CACNA1B: variants seen among roughly 807,000 people sequenced by gnomAD.
CACNA1B encodes calcium voltage-gated channel subunit alpha1 B, also known as voltage-dependent N-type calcium channel subunit alpha-1B.
CACNA1B carries 70 observed loss-of-function variants against 247.2 expected under a neutral mutation model. That is an observed-to-expected ratio of 0.28 (90% CI 0.23 to 0.35). The LOEUF (loss-of-function observed/expected upper bound fraction) is 0.35. Ranked by LOEUF, CACNA1B falls within the 10% of genes least tolerant of loss-of-function variation. The pLI is 1.00. For missense variants in CACNA1B, 2,367 were observed against 3,197.4 expected (o/e 0.74, Z 6.26); for synonymous variants, 1,231 against 1,294.4 (o/e 0.95, Z 1.05).
chr9:137,880,512 G>A lies in CACNA1B; in HGVS notation c.390+1353G>A, dbSNP rs921624360. Among the ~76,000 whole-genome samples, 3 of 152,214 alleles carry A rather than the reference G, an allele frequency of 2.0e-5. No homozygotes were observed. The highest frequency in any genetic ancestry group is 4.4e-5 in the Non-Finnish European group (3 of 68,028). On this transcript the variant is annotated intron_variant, in intron 2 of 46. Coordinates refer to ENST00000371372, the MANE Select transcript of CACNA1B (RefSeq NM_000718.4). The surrounding 1 kb of genome is among the most constrained non-coding windows in gnomAD (Gnocchi z 4.8). Reference sequence around the variant, plus strand: ...AGAGGGACGCAGGCCCAGGAGCCAGGCCGGGGCGGGGGCAGGGAGGATCAA... The same window carrying A: ...AGAGGGACGCAGGCCCAGGAGCCAGACCGGGGCGGGGGCAGGGAGGATCAA...
intron 31 of CACNA1B, among the ~76,000 whole-genome samples, chr9:138,061,780 G>A (rs1376813047): frequency 6.6e-6 from 1 of 152,220 alleles, no homozygotes; most frequent in African/African-American, 2.4e-5. Flanking sequence ...TCCAGGAGAG[G>A]GTGTTCTGAT....
In CACNA1B at chr9:138,073,718, G is replaced by A. The variant is rs930755340; in HGVS notation, c.4791+114G>A. The A allele has an allele frequency of 5.6e-6, 4 of 709,272 alleles. No individual in the cohort carries two copies. The East Asian group carries it at 7.5e-5, about 13-fold the overall frequency. The allele number at this position is 709,272 out of a possible 1,614,324, so 43.9% of individuals were successfully genotyped here. The stretch of plus-strand genomic sequence containing the variant: ...GGCTGGGAGAGGGTATGGCATGCAG[G>A]TTTCGTGGTTGTATGCATTGTCCTG... On this transcript the variant is annotated intron_variant, in intron 33 of 46. Transcript: ENST00000371372. The surrounding 1 kb of genome is among the most constrained non-coding windows in gnomAD (Gnocchi z 6.4).
At chr9:137,883,488 A>G (rs373304686) in intron 3 of CACNA1B, among the ~76,000 whole-genome samples, 2,480 of 151,838 alleles carry the variant, frequency 0.016, 80 homozygotes, top group African/African-American at 0.057. Context: ...TAACCAGCAC[A>G]TCTAGAAGAT....
chr9:138,111,956 T>G lies in CACNA1B; in HGVS notation c.5429-442T>G, dbSNP rs966278507. On this transcript the variant is annotated intron_variant, in intron 39 of 46. Coordinates refer to ENST00000371372, the MANE Select transcript of CACNA1B (RefSeq NM_000718.4). ...CGGTACACTTTTTTTTTTTTTTTAC[T>G]TATTACTGCTTTATTGGTAGACTAA... Among the ~76,000 whole-genome samples the G allele has an allele frequency of 2.6e-4, 40 of 151,752 alleles. 1 individual carries two copies. Among genetic ancestry groups the G allele is most frequent in the African/African-American group, 8.7e-4 (36 of 41,242 alleles).
Position 138,025,161 on chromosome 9 carries a change from C to G in CACNA1B, c.3275C>G (p.Thr1092Arg). The G allele has an allele frequency of 6.2e-7, 1 of 1,607,532 alleles. No homozygotes were observed. Among genetic ancestry groups the G allele is most frequent in the Non-Finnish European group, 8.5e-7 (1 of 1,176,288 alleles). ...VMLTGPLGEA[T>R]VVPSGNVDLE... ...CTGACGGGCCCTCTTGGGGAAGCCA[C>G]GGTCGTTCCCAGTGAGTATCTCCCT... The change falls in exon 20 of 47, where the codon ACG becomes AGG. Residue 1092 changes from threonine to arginine, a missense_variant. Coordinates refer to ENST00000371372, the MANE Select transcript of CACNA1B (RefSeq NM_000718.4).
intron 20 of CACNA1B, among the ~76,000 whole-genome samples, chr9:138,027,112 C>A (rs868492279): frequency 6.6e-6 from 1 of 152,104 alleles, no homozygotes; most frequent in Non-Finnish European, 1.5e-5. Flanking sequence ...TTTATTCTGG[C>A]TGTTTGTTTT....
chr9:137,912,957 G>T (rs1049136542), intron 3 of CACNA1B, among the ~76,000 whole-genome samples: 2 of 152,114 alleles, frequency 1.3e-5, no homozygotes, highest in African/African-American at 4.8e-5. Context: ...AGCGCTTCTG[G>T]ATTCAGTTCC....
At chr9:137,927,892 C>T (rs746692802) in intron 6 of CACNA1B, among the ~76,000 whole-genome samples, 2 of 152,130 alleles carry the variant, frequency 1.3e-5, no homozygotes, top group Non-Finnish European at 2.9e-5. Flanking sequence ...CTGATATGAT[C>T]ATGTGAGTTT....
rs115551395 is a variant in CACNA1B, at chr9:137,973,373, G to A, written c.1543+1781G>A. On this transcript the variant is annotated intron_variant, in intron 11 of 46. Coordinates refer to ENST00000371372, the MANE Select transcript of CACNA1B (RefSeq NM_000718.4). The surrounding 1 kb of genome is among the most constrained non-coding windows in gnomAD (Gnocchi z 4.1). ...TTGCCAGAGGCGAGGGGGTGTGGCC[G>A]CCCAGCCTAGAGCAGCTTTGCAGGG... 7.7e-3 allele frequency among the ~76,000 whole-genome samples: 1,169 copies of A among 152,282 alleles called. 18 individuals are homozygous for A. The highest frequency in any genetic ancestry group is 0.026 in the African/African-American group (1,100 of 41,562).
At position 138,059,091 on chromosome 9, in the gene CACNA1B, C is replaced by T. The variant is rs1247815154; in HGVS notation, c.4486C>T (p.Pro1496Ser). The change falls in exon 30 of 47, where the codon CCC (proline) becomes TCC (serine). Residue 1496 changes from proline to serine, a missense_variant. Physicochemically the swap from Pro to Ser is moderately conservative, Grantham distance 74. Coordinates refer to ENST00000371372, the MANE Select transcript of CACNA1B (RefSeq NM_000718.4). This position sits in a 1 kb window ranked among gnomAD's most constrained non-coding sequence, Gnocchi z 4.2. ...VVLMMKFYDAPYEYELMLKCL... is the reference protein window; with the variant it reads ...VVLMMKFYDASYEYELMLKCL... ...ATTCCCCGGGCAGTTCTATGATGCA[C>T]CCTATGAGTACGAGCTGATGCTGAA... The T allele has an allele frequency of 3.7e-6, 6 of 1,608,764 alleles. No homozygotes were observed. In the African/African-American group the frequency reaches 8.0e-5, roughly 22 times the overall value.
At chr9:138,008,641 T>C (rs1275770774) in intron 16 of CACNA1B, among the ~76,000 whole-genome samples, 1 of 152,218 alleles carries the variant, frequency 6.6e-6, no homozygotes, top group Non-Finnish European at 1.5e-5. Context: ...CAGCTGCTAT[T>C]CGGCCTGGCA....
chr9:137,946,671 T>C (rs955040247), intron 6 of CACNA1B, among the ~76,000 whole-genome samples: 4 of 152,074 alleles, frequency 2.6e-5, no homozygotes, highest in African/African-American at 9.7e-5. Context: ...GGTGCTTCCA[T>C]ATGGATACCT....
intron 6 of CACNA1B, among the ~76,000 whole-genome samples, chr9:137,930,902 C>A (rs1472398039): frequency 6.6e-6 from 1 of 151,948 alleles, no homozygotes; most frequent in African/African-American, 2.4e-5. Flanking sequence ...ATTAATCTAG[C>A]CACTCCAATT....
At position 138,052,774 on chromosome 9, in the gene CACNA1B, A is replaced by G. The variant is rs1338206569; in HGVS notation, c.3807+586A>G. ...AAGTTTGTTTAGAACCTGTATGTGA[A>G]GGAGTGGGCTGGCAGGCAGCTGGGG... On this transcript the variant is annotated intron_variant, in intron 25 of 46. Transcript: ENST00000371372. The surrounding 1 kb of genome is among the most constrained non-coding windows in gnomAD (Gnocchi z 5.1). Among the ~76,000 whole-genome samples the G allele has an allele frequency of 6.6e-6, 1 of 152,176 alleles. No homozygotes were observed. Among genetic ancestry groups the G allele is most frequent in the African/African-American group, 2.4e-5 (1 of 41,442 alleles).
chr9:138,118,805 C>G, intron 44 of CACNA1B, 37 bp downstream of exon 44: 1 of 929,508 alleles, frequency 1.1e-6, no homozygotes, highest in Non-Finnish European at 1.6e-6. Flanking sequence ...CTGGGCTGGG[C>G]AAGTGGGGGG....
chr9:137,970,208 C>T (rs1474171917), intron 10 of CACNA1B, among the ~76,000 whole-genome samples: 1 of 152,196 alleles, frequency 6.6e-6, no homozygotes, highest in Non-Finnish European at 1.5e-5. Flanking sequence ...CACACAGGGA[C>T]CCCATGCTCA....
chr9:138,090,242 A>G (rs1554756874), intron 36 of CACNA1B, among the ~76,000 whole-genome samples: 1 of 152,194 alleles, frequency 6.6e-6, no homozygotes, highest in Non-Finnish European at 1.5e-5. Context: ...GAACTCAGAA[A>G]TAAGTATTTG....
chr9:138,026,815 T>C (rs894930710), intron 20 of CACNA1B, among the ~76,000 whole-genome samples: 7 of 152,206 alleles, frequency 4.6e-5, no homozygotes, highest in African/African-American at 1.7e-4. Context: ...GATTATATGG[T>C]AAGACTGTTT....
chr9:138,101,008 T>A (rs1961232951), intron 37 of CACNA1B: 1 of 450,218 alleles, frequency 2.2e-6, no homozygotes, highest in Non-Finnish European at 4.6e-6. Flanking sequence ...CCGCCACGCC[T>A]GCGCGAGGTC....
Sources: gnomAD v4.1 joint callset for allele counts (sites outside exome capture counted in the v4.1 genomes callset) on GRCh38, gnomAD v4.1.1 for gene constraint, Gnocchi (gnomAD v3.1) non-coding constraint, MANE v1.5 for transcripts, NCBI Gene and HGNC (gene_info 2026-07-23, HGNC 2026-07-21) for gene names.